Variants in ROBO1 observed in about 807,000 individuals in gnomAD.
ROBO1 encodes the protein roundabout guidance receptor 1, also known as roundabout homolog 1.
In ROBO1, 149 loss-of-function variants were observed where a neutral mutation model predicts 195.9. The observed-to-expected ratio is 0.76, with a 90% CI of 0.67 to 0.87. The LOEUF (loss-of-function observed/expected upper bound fraction) is 0.87. Ranked by LOEUF, ROBO1 falls within the 40% of genes least tolerant of loss-of-function variation. The probability of loss-of-function intolerance (pLI) is 0.00; values close to 1 mark genes in which losing one functional copy is unlikely to be tolerated. For synonymous variants in ROBO1, 816 were observed against 733.2 expected (o/e 1.11, Z -1.82); for missense variants, 1,933 against 2,068.3 (o/e 0.93, Z 1.27).
At chr3:79,003,237 C>T (rs1032892331) in intron 3 of ROBO1, among the ~76,000 whole-genome samples, 1 of 152,064 alleles carries the variant, frequency 6.6e-6, no homozygotes, top group East Asian at 1.9e-4. Flanking sequence ...GTCAAATTAA[C>T]GCTGAATTTT....
rs745607304 is a variant in ROBO1, at chr3:78,685,885, T to C, written c.1203A>G (p.Ser401=). ...TCTGGGAGACTGAAAATCGGCTGGA[T>C]GACTGTGGTGGTTGATATGAGAAAA... ...NLLFSYQPPQ[S]SSRFSVSQTG... is the part of the protein sequence containing the mutation. Residue 401 remains serine, a synonymous_variant, in exon 10 of 31, where the codon TCA becomes TCG. Transcript: ENST00000464233. 6.2e-7 allele frequency: 1 copy of C among 1,604,446 alleles called. No individual in the cohort carries two copies. The highest frequency in any genetic ancestry group is 8.5e-7 in the Non-Finnish European group (1 of 1,174,314).
chr3:79,516,347 C>T (rs1053394614), intron 2 of ROBO1, among the ~76,000 whole-genome samples: 1 of 151,920 alleles, frequency 6.6e-6, no homozygotes, highest in African/African-American at 2.4e-5. Flanking sequence ...CTCAATTTAC[C>T]TATATTTATA....
At chr3:79,658,018 G>A (rs1211161793) in intron 1 of ROBO1, among the ~76,000 whole-genome samples, 1 of 152,038 alleles carries the variant, frequency 6.6e-6, no homozygotes, top group Non-Finnish European at 1.5e-5. Flanking sequence ...ATATGGTAAT[G>A]ACAGTATAGA....
chr3:79,685,974 T>TA (rs1440447582), intron 1 of ROBO1, among the ~76,000 whole-genome samples: 1 of 152,146 alleles, frequency 6.6e-6, no homozygotes, highest in Non-Finnish European at 1.5e-5. Flanking sequence ...AAATCCTCAA[T>TA]AAAATACTGG....
At chr3:79,411,599 T>C (rs149684264) in intron 2 of ROBO1, among the ~76,000 whole-genome samples, 264 of 152,270 alleles carry the variant, frequency 1.7e-3, no homozygotes, top group African/African-American at 6.1e-3. Flanking sequence ...ATATTTGAAC[T>C]TCATGTTAAA....
intron 4 of ROBO1, among the ~76,000 whole-genome samples, chr3:78,851,101 C>T (rs2034033134): frequency 6.6e-6 from 1 of 152,148 alleles, no homozygotes. Flanking sequence ...AGCCACCACG[C>T]CCGGTCACAC....
At chr3:79,009,189 G>C (rs539073699) in intron 3 of ROBO1, among the ~76,000 whole-genome samples, 5 of 148,804 alleles carry the variant, frequency 3.4e-5, no homozygotes, top group African/African-American at 1.2e-4. Context: ...GCTGACATCA[G>C]GTGATCCACC....
chr3:79,704,013 T>A (rs957876297), intron 1 of ROBO1, among the ~76,000 whole-genome samples: 1 of 152,016 alleles, frequency 6.6e-6, no homozygotes, highest in Non-Finnish European at 1.5e-5. Flanking sequence ...TTTTCCATAC[T>A]ACAGTTAAGG....
intron 4 of ROBO1, among the ~76,000 whole-genome samples, chr3:78,924,638 C>G (rs974389983): frequency 1.6e-4 from 24 of 151,756 alleles, no homozygotes; most frequent in African/African-American, 5.3e-4. Context: ...TCAATAAAAT[C>G]CCTTTAAAAC....
intron 4 of ROBO1, among the ~76,000 whole-genome samples, chr3:78,822,699 T>A (rs1197510665): frequency 2.0e-5 from 3 of 152,216 alleles, no homozygotes; most frequent in Non-Finnish European, 4.4e-5. Flanking sequence ...CCTTCCTCAT[T>A]CTGGTCCAAC....
intron 2 of ROBO1, among the ~76,000 whole-genome samples, chr3:79,411,065 C>T (rs765108216): frequency 6.6e-6 from 1 of 152,128 alleles, no homozygotes; most frequent in African/African-American, 2.4e-5. Context: ...CTGATTCCTA[C>T]GTCCATTTCT....
At chr3:79,601,979 C>T (rs777864026) in intron 1 of ROBO1, among the ~76,000 whole-genome samples, 194 of 151,804 alleles carry the variant, frequency 1.3e-3, no homozygotes, top group African/African-American at 4.4e-4. Flanking sequence ...TATAGCTATT[C>T]GTATTACAGC....
intron 1 of ROBO1, among the ~76,000 whole-genome samples, chr3:79,627,107 T>G (rs1311226645): frequency 6.6e-6 from 1 of 152,110 alleles, no homozygotes; most frequent in Admixed American, 6.6e-5. Flanking sequence ...CTATTCCCCA[T>G]GAAACTACCA....
At chr3:79,620,804 T>C (rs1378762551) in intron 1 of ROBO1, among the ~76,000 whole-genome samples, 1 of 151,938 alleles carries the variant, frequency 6.6e-6, no homozygotes, top group Non-Finnish European at 1.5e-5. Flanking sequence ...CAATATCCCA[T>C]TCCACAGCAG....
chr3:79,628,251 TA>T (rs1196787162), intron 1 of ROBO1, among the ~76,000 whole-genome samples: 2 of 152,204 alleles, frequency 1.3e-5, no homozygotes, highest in African/African-American at 4.8e-5. Flanking sequence ...CCATCAATGA[TA>T]GACATAGATA....
chr3:79,748,355 G>A (rs1211228620), intron 1 of ROBO1, among the ~76,000 whole-genome samples: 6 of 152,080 alleles, frequency 3.9e-5, no homozygotes, highest in African/African-American at 9.7e-5. Flanking sequence ...GAATTATATC[G>A]TAAAACACAC....
chr3:79,612,988 G>A (rs1434763220), intron 1 of ROBO1, among the ~76,000 whole-genome samples: 2 of 143,128 alleles, frequency 1.4e-5, no homozygotes, highest in African/African-American at 5.1e-5. Flanking sequence ...CATTTTTAAG[G>A]ATGGATTTTC....
At chr3:79,296,980 A>G (rs2032629086) in intron 2 of ROBO1, among the ~76,000 whole-genome samples, 1 of 152,206 alleles carries the variant, frequency 6.6e-6, no homozygotes, top group African/African-American at 2.4e-5. Context: ...ATGTTGTGTT[A>G]CAATTTTTGA....
intron 8 of ROBO1, among the ~76,000 whole-genome samples, chr3:78,695,003 C>G (rs1331549363): frequency 6.6e-6 from 1 of 151,230 alleles, no homozygotes; most frequent in Non-Finnish European, 1.5e-5. Flanking sequence ...CTGGAAAGCA[C>G]CTAATTTAAA....
Sources: allele counts gnomAD v4.1 joint callset (sites outside exome capture counted in the v4.1 genomes callset), GRCh38; gene constraint gnomAD v4.1.1; transcripts MANE v1.5; gene names NCBI Gene and HGNC (gene_info 2026-07-23, HGNC 2026-07-21).